The following CCZ1 variants were observed in gnomAD, a reference collection of about 807,000 sequenced individuals.
CCZ1 encodes CCZ1 vacuolar protein trafficking and biogenesis associated, also known as vacuolar fusion protein CCZ1 homolog.
A neutral mutation model predicts 57.8 loss-of-function variants in CCZ1; 19 were observed. The ratio of observed to expected loss-of-function variants is 0.33; its 90% CI spans 0.23 to 0.48. The LOEUF is 0.48. Ranked by LOEUF, CCZ1 falls within the 20% of genes least tolerant of loss-of-function variation. The probability of loss-of-function intolerance (pLI) is 0.99; values close to 1 mark genes in which losing one functional copy is unlikely to be tolerated. For synonymous variants in CCZ1, 81 were observed against 167.0 expected (o/e 0.49, Z 3.97); for missense variants, 200 against 492.0 (o/e 0.41, Z 5.61).
At chr7:5,924,130 A>G (rs79886454) in intron 14 of CCZ1, among the ~76,000 whole-genome samples, 168 bp downstream of exon 14, 5,730 of 74,976 alleles carry the variant, frequency 0.076, 108 homozygotes, top group East Asian at 0.21. Context: ...AAACTATGAC[A>G]AGACCTTCCT....
chr7:5,908,486 C>G (rs932948409), intron 7 of CCZ1, among the ~76,000 whole-genome samples: 2 of 148,174 alleles, frequency 1.3e-5, no homozygotes, highest in African/African-American at 5.0e-5. Flanking sequence ...TCAAGCGATT[C>G]TCATGCCTCA....
chr7:5,907,080 C>T (rs1335767332), intron 7 of CCZ1, among the ~76,000 whole-genome samples: 1 of 149,168 alleles, frequency 6.7e-6, no homozygotes, highest in Non-Finnish European at 1.5e-5. Flanking sequence ...AGGCTGGTCT[C>T]GAACTCCTGA....
chr7:5,909,499 C>T (rs937969693), intron 7 of CCZ1, among the ~76,000 whole-genome samples: 6 of 147,758 alleles, frequency 4.1e-5, no homozygotes, highest in South Asian at 4.4e-4. Flanking sequence ...TCCAGCAGTT[C>T]GAAACCAGCC....
At chr7:5,914,344 G>A (rs1224711957) in intron 10 of CCZ1, among the ~76,000 whole-genome samples, 2 of 148,616 alleles carry the variant, frequency 1.3e-5, no homozygotes, top group Non-Finnish European at 3.0e-5. Flanking sequence ...GCTGAGGCAG[G>A]AGAACCGCTT....
intron 5 of CCZ1, 172 bp downstream of exon 5, chr7:5,901,876 A>T: frequency 1.8e-6 from 1 of 556,544 alleles, no homozygotes; most frequent in Non-Finnish European, 3.1e-6. Context: ...GCCTACATTT[A>T]TTCAGTAAGT....
At chr7:5,909,910 G>C (rs1262900001) in intron 7 of CCZ1, 125 bp from the exon 8 acceptor site, 5 of 692,456 alleles carry the variant, frequency 7.2e-6, no homozygotes, top group East Asian at 2.8e-5. Flanking sequence ...TAAAAAGTTA[G>C]AATTTATTCT....
chr7:5,903,859 G>A (rs11974278), intron 6 of CCZ1, among the ~76,000 whole-genome samples: 31,984 of 143,870 alleles, frequency 0.22, 3,594 homozygotes, highest in Admixed American at 0.34. Flanking sequence ...GCTGGGCGTG[G>A]TGGCGCACGC....
In CCZ1 at chr7:5,901,683, G is replaced by T. The variant is rs775319929; in HGVS notation, c.417G>T (p.Arg139=). Residue 139 remains arginine (R), a synonymous_variant, in exon 5 of 15, where the codon CGG becomes CGT. Coordinates refer to ENST00000325974, the MANE Select transcript of CCZ1 (RefSeq NM_015622.6). Reference sequence around the variant, plus strand: ...ACAAGGTTTATAGCTCGGTGCTGCGGCAGTGCTACAGCATGTACAAGGTAA... The same window carrying T: ...ACAAGGTTTATAGCTCGGTGCTGCGTCAGTGCTACAGCATGTACAAGGTAA... The part of the protein sequence containing the change: ...LLDKVYSSVL[R]QCYSMYKLFN... The T allele has an allele frequency of 6.3e-7, 1 of 1,598,862 alleles. No individual in the cohort carries two copies. The highest frequency in any genetic ancestry group is 2.5e-5 in the East Asian group (1 of 40,652).
chr7:5,915,533 C>G (rs560656359), intron 10 of CCZ1, among the ~76,000 whole-genome samples: 4 of 149,116 alleles, frequency 2.7e-5, no homozygotes, highest in South Asian at 2.1e-4. Context: ...TTACCTTTTT[C>G]TTAATGACTT....
intron 7 of CCZ1, among the ~76,000 whole-genome samples, chr7:5,908,757 G>A (rs1382638382): frequency 3.5e-5 from 5 of 143,268 alleles, no homozygotes; most frequent in African/African-American, 1.0e-4. Context: ...TTAAAAAACC[G>A]GTTCCAGAGT....
intron 7 of CCZ1, among the ~76,000 whole-genome samples, chr7:5,908,789 G>C (rs1284932599): frequency 1.4e-5 from 2 of 143,980 alleles, no homozygotes; most frequent in South Asian, 4.8e-4. Context: ...TAGTTTCTCT[G>C]TGCTTTTTCC....
At chr7:5,907,021 C>T (rs1430946930) in intron 7 of CCZ1, among the ~76,000 whole-genome samples, 3 of 148,900 alleles carry the variant, frequency 2.0e-5, no homozygotes, top group Admixed American at 6.6e-5. Context: ...GTGCATACCA[C>T]AACACCCAGC....
At chr7:5,908,409 G>T (rs202095339) in intron 7 of CCZ1, among the ~76,000 whole-genome samples, 18 of 146,350 alleles carry the variant, frequency 1.2e-4, no homozygotes, top group Non-Finnish European at 2.4e-4. Context: ...GAGTCTCATT[G>T]GCTTGGTTGC....
intron 7 of CCZ1, among the ~76,000 whole-genome samples, 163 bp from the exon 8 acceptor site, chr7:5,909,872 G>A (rs554535073): frequency 2.6e-5 from 4 of 151,618 alleles, no homozygotes; most frequent in African/African-American, 7.3e-5. Flanking sequence ...AAAATAGATT[G>A]CTTTGAGTTT....
At chr7:5,903,288 T>C (rs1379589564) in intron 6 of CCZ1, among the ~76,000 whole-genome samples, 1 of 144,268 alleles carries the variant, frequency 6.9e-6, no homozygotes, top group Non-Finnish European at 1.5e-5. Flanking sequence ...GCTCAGTTTA[T>C]CTTTTTTTTA....
intron 1 of CCZ1, among the ~76,000 whole-genome samples, chr7:5,899,964 C>T (rs62453575): frequency 0.61 from 78,968 of 129,432 alleles, 24,628 homozygotes; most frequent in East Asian, 0.81. Context: ...ATGTGACTTA[C>T]TGACTATCGA....
chr7:5,899,730 T>C (rs1387383997), intron 1 of CCZ1, among the ~76,000 whole-genome samples: 1 of 151,024 alleles, frequency 6.6e-6, no homozygotes, highest in African/African-American at 2.4e-5. Flanking sequence ...ATAGCGCCAC[T>C]GCACTACAGC....
intron 7 of CCZ1, among the ~76,000 whole-genome samples, chr7:5,907,828 T>C (rs145603952): frequency 2.3e-5 from 1 of 43,096 alleles, no homozygotes. Context: ...CAGGCGCCAA[T>C]GCTTACACCT....
intron 12 of CCZ1, among the ~76,000 whole-genome samples, chr7:5,923,052 C>A (rs1779275944): frequency 7.6e-6 from 1 of 131,418 alleles, no homozygotes; most frequent in African/African-American, 3.2e-5. Context: ...GGCGCGGGGG[C>A]TCACGCCTGT....
Sources: gnomAD v4.1 joint callset for allele counts (sites outside exome capture counted in the v4.1 genomes callset) on GRCh38, gnomAD v4.1.1 for gene constraint, MANE v1.5 for transcripts, NCBI Gene and HGNC (gene_info 2026-07-23, HGNC 2026-07-21) for gene names.